Variants in ZDHHC15 observed in about 807,000 individuals in gnomAD.
ZDHHC15 encodes the protein zDHHC palmitoyltransferase 15.
Under a neutral mutation model 31.7 loss-of-function variants are expected in ZDHHC15, and 19 were observed. The observed-to-expected ratio is 0.60, with a 90% CI of 0.42 to 0.88. The LOEUF (loss-of-function observed/expected upper bound fraction) is 0.88. ZDHHC15 is among the 40% of genes least tolerant of loss of function. The pLI, the probability that ZDHHC15 is intolerant of heterozygous loss-of-function variation, is 0.00. For synonymous variants in ZDHHC15, 103 were observed against 90.0 expected, an observed-to-expected ratio of 1.14 and a Z score of -0.82; for missense variants, 209 against 251.2, an observed-to-expected ratio of 0.83 and a Z score of 1.14.
At chrX:75,375,002 G>A (rs1191884774) in intron 11 of ZDHHC15, among the ~76,000 whole-genome samples, 7 of 111,288 alleles carry the variant, frequency 6.3e-5, no homozygotes, top group South Asian at 3.7e-4. Context: ...AGATGTAAAC[G>A]TATTTCAAAA....
At chrX:75,458,537 T>A (rs753633807) in intron 3 of ZDHHC15, among the ~76,000 whole-genome samples, 29 of 111,731 alleles carry the variant, frequency 2.6e-4, no homozygotes, top group Middle Eastern at 4.6e-3. Context: ...CTTAAAAAAT[T>A]GAAAACATAT....
At chrX:75,518,442 C>A (rs1467029323) in intron 1 of ZDHHC15, among the ~76,000 whole-genome samples, 2 of 109,181 alleles carry the variant, frequency 1.8e-5, no homozygotes, top group Admixed American at 9.9e-5. Context: ...CCCTTCACAC[C>A]CAGTAAGATG....
intron 4 of ZDHHC15, among the ~76,000 whole-genome samples, chrX:75,441,839 G>A (rs139832635): frequency 3.3e-4 from 36 of 109,707 alleles, no homozygotes; most frequent in Non-Finnish European, 3.8e-4. Context: ...TAGCCAGGAT[G>A]GTCTCGATCT....
intron 10 of ZDHHC15, among the ~76,000 whole-genome samples, chrX:75,407,166 C>A: frequency 9.1e-6 from 1 of 110,373 alleles, no homozygotes. Context: ...GTGGGGAGTG[C>A]CTCTGCCTGG....
chrX:75,464,558 C>T (rs889582458), intron 3 of ZDHHC15, among the ~76,000 whole-genome samples: 1 of 111,226 alleles, frequency 9.0e-6, no homozygotes, highest in Non-Finnish European at 1.9e-5. Context: ...ATGTAAAAAT[C>T]CTCAATAAAA....
At chrX:75,494,171 C>A (rs1385389231) in intron 2 of ZDHHC15, among the ~76,000 whole-genome samples, 1 of 111,163 alleles carries the variant, frequency 9.0e-6, no homozygotes, top group East Asian at 2.8e-4. Context: ...CATGAGTGAA[C>A]TCCCATTCAT....
At chrX:75,466,306 G>T (rs1439692712) in intron 3 of ZDHHC15, among the ~76,000 whole-genome samples, 4 of 111,886 alleles carry the variant, frequency 3.6e-5, no homozygotes, top group Non-Finnish European at 7.5e-5. Flanking sequence ...ATGCTGACAA[G>T]GTTGCAGATA....
At chrX:75,429,276 T>A in intron 6 of ZDHHC15, 78 bp from the exon 7 acceptor site, 1 of 1,076,387 alleles carries the variant, frequency 9.3e-7, no homozygotes. Flanking sequence ...AACTAAGCAA[T>A]GGAATAATGC....
At chrX:75,446,656 G>A (rs761410821) in intron 4 of ZDHHC15, among the ~76,000 whole-genome samples, 5 of 111,495 alleles carry the variant, frequency 4.5e-5, no homozygotes, top group Non-Finnish European at 5.6e-5. Context: ...AAATTTATTC[G>A]CATGGTTCTC....
At chrX:75,509,173 A>C (rs188151500) in intron 1 of ZDHHC15, among the ~76,000 whole-genome samples, 1 of 111,144 alleles carries the variant, frequency 9.0e-6, no homozygotes. Flanking sequence ...GACAAATGGG[A>C]TCTAATTAAA....
chrX:75,515,686 C>T (rs1248447176), intron 1 of ZDHHC15, among the ~76,000 whole-genome samples: 1 of 111,659 alleles, frequency 9.0e-6, no homozygotes, highest in Non-Finnish European at 1.9e-5. Flanking sequence ...GACAGGGATG[C>T]CCTCTCTCAC....
chrX:75,499,677 G>A (rs2085061095), intron 2 of ZDHHC15, among the ~76,000 whole-genome samples: 1 of 111,870 alleles, frequency 8.9e-6, no homozygotes, highest in Non-Finnish European at 1.9e-5. Flanking sequence ...ACTGCTAATG[G>A]GAAGGTAAAC....
At chrX:75,508,368 T>G (rs1280974913) in intron 1 of ZDHHC15, among the ~76,000 whole-genome samples, 1 of 96,061 alleles carries the variant, frequency 1.0e-5, no homozygotes, top group Middle Eastern at 4.7e-3. Context: ...ATTGTTCAAT[T>G]CCCACCTATG....
intron 10 of ZDHHC15, among the ~76,000 whole-genome samples, chrX:75,381,464 C>T (rs376601585): frequency 1.3e-4 from 15 of 111,406 alleles, no homozygotes; most frequent in African/African-American, 4.9e-4. Flanking sequence ...GTGTTACTAC[C>T]ACTCATGAAT....
intron 2 of ZDHHC15, among the ~76,000 whole-genome samples, chrX:75,487,491 C>A (rs1459970337): frequency 8.9e-6 from 1 of 112,133 alleles, no homozygotes; most frequent in Admixed American, 9.5e-5. Flanking sequence ...GAGAGCACCA[C>A]ATCAAGGGAT....
At chrX:75,483,927 G>C (rs1156414667) in intron 2 of ZDHHC15, among the ~76,000 whole-genome samples, 3 of 111,035 alleles carry the variant, frequency 2.7e-5, no homozygotes, top group Non-Finnish European at 5.7e-5. Context: ...AAGTGGAAGG[G>C]ATTCTACCAA....
At chrX:75,390,041 T>C (rs1396347951) in intron 10 of ZDHHC15, among the ~76,000 whole-genome samples, 1 of 112,015 alleles carries the variant, frequency 8.9e-6, no homozygotes, top group African/African-American at 3.2e-5. Flanking sequence ...TGAAGAGCCC[T>C]TGGGCCTTGA....
chrX:75,455,583 C>G (rs930838624), intron 3 of ZDHHC15, among the ~76,000 whole-genome samples: 1 of 111,572 alleles, frequency 9.0e-6, no homozygotes, highest in Non-Finnish European at 1.9e-5. Context: ...AACAGGCAAC[C>G]TACAGAATGG....
Position 75,455,857 on chromosome X carries a change from T to A in ZDHHC15, c.259-4935A>T, listed in dbSNP as rs1272347326. Among the ~76,000 whole-genome samples the A allele has an allele frequency of 3.6e-5, 4 of 111,271 alleles. No individual in the cohort carries two copies. In the Admixed American group the frequency reaches 3.8e-4, roughly 11 times the overall value. On this transcript the variant is annotated intron_variant, in intron 3 of 11. Coordinates refer to ENST00000373367, the MANE Select transcript of ZDHHC15 (RefSeq NM_144969.3). ...AGAATGGCGATCATAGAAACAACAG[T>A]TGCTGGAGAGGATGTGGAGAAATAT...
Sources: allele counts gnomAD v4.1 joint callset (sites outside exome capture counted in the v4.1 genomes callset), GRCh38; gene constraint gnomAD v4.1.1; transcripts MANE v1.5; gene names NCBI Gene and HGNC (gene_info 2026-07-23, HGNC 2026-07-21).